ANKHD1: variants seen among roughly 807,000 people sequenced by gnomAD.
ANKHD1 encodes ankyrin repeat and KH domain-containing protein 1.
In ANKHD1, 31 loss-of-function variants were observed where a neutral mutation model predicts 230.5. The ratio of observed to expected loss-of-function variants is 0.13; its 90% CI spans 0.10 to 0.18. ANKHD1 has a LOEUF of 0.18. Among genes scored for constraint, ANKHD1 ranks in the 10% least tolerant of loss-of-function variants. The pLI is 1.00. For missense variants in ANKHD1, 2,256 were observed against 3,071.3 expected (o/e 0.73, Z 6.27); for synonymous variants, 1,074 against 1,117.6 (o/e 0.96, Z 0.78).
intron 1 of ANKHD1, among the ~76,000 whole-genome samples, chr5:140,429,468 A>G (rs1320571999): frequency 2.6e-5 from 4 of 152,176 alleles, no homozygotes; most frequent in Non-Finnish European, 4.4e-5. Context: ...CTCAAAATAT[A>G]AATTTATTTA....
intron 14 of ANKHD1, among the ~76,000 whole-genome samples, chr5:140,495,306 C>A (rs183079177): frequency 1.4e-5 from 2 of 147,036 alleles, no homozygotes; most frequent in African/African-American, 2.5e-5. Context: ...AGTGCAGTGG[C>A]GCAATCTCGG....
intron 14 of ANKHD1, among the ~76,000 whole-genome samples, chr5:140,490,193 G>C (rs1751706510): frequency 6.6e-6 from 1 of 151,928 alleles, no homozygotes; most frequent in Non-Finnish European, 1.5e-5. Context: ...ATGGACAAAG[G>C]GTTCTTATTC....
chr5:140,434,396 C>T (rs953123952), intron 1 of ANKHD1, among the ~76,000 whole-genome samples: 1 of 150,026 alleles, frequency 6.7e-6, no homozygotes, highest in Non-Finnish European at 1.5e-5. Context: ...TACATATTTG[C>T]ATATTACAGT....
At chr5:140,416,562 T>C (rs1239990651) in intron 1 of ANKHD1, among the ~76,000 whole-genome samples, 1 of 152,226 alleles carries the variant, frequency 6.6e-6, no homozygotes, top group Non-Finnish European at 1.5e-5. Flanking sequence ...TATATGTCTG[T>C]CTCTTTGCCA....
In ANKHD1 at chr5:140,538,974, C is replaced by T; in HGVS notation, c.7460C>T (p.Ala2487Val). 6.2e-7 allele frequency: 1 copy of T among 1,610,908 alleles called. No homozygotes were observed. The highest frequency in any genetic ancestry group is 2.2e-5 in the East Asian group (1 of 44,626). The change falls in exon 33 of 34, where the codon GCT becomes GTT. Residue 2487 changes from alanine to valine, a missense_variant. Physicochemically the swap from Ala to Val is moderately conservative, Grantham distance 64. This residue lies in a region of ANKHD1 where 778 missense variants were observed against 966.5 expected (regional missense o/e 0.80). Coordinates refer to ENST00000360839, the MANE Select transcript of ANKHD1 (RefSeq NM_017747.3). ...ATAATACCCTCTCATCCTCAGCTTG[C>T]TGATGTTCCAGGAGGCCCTCTGTTT... is the stretch of plus-strand genomic sequence containing the variant. ...GTIIPSHPQLADVPGGPLFNG... is the reference protein window; with the variant it reads ...GTIIPSHPQLVDVPGGPLFNG...
chr5:140,512,065 G>T (rs189000756), intron 22 of ANKHD1, among the ~76,000 whole-genome samples: 1 of 151,888 alleles, frequency 6.6e-6, no homozygotes, highest in Admixed American at 6.6e-5. Flanking sequence ...GTAAATCCCC[G>T]TCTCTACTAA....
At position 140,518,058 on chromosome 5, in the gene ANKHD1, G is replaced by T. The variant is rs570056449; in HGVS notation, c.4317+4579G>T. ...ATAGACCACTAGCAAGACTAATAAA[G>T]AAAAAAAGAAGAATCAAATAGATGC... On this transcript the variant is annotated intron_variant, in intron 24 of 33. Transcript: ENST00000360839. Among the ~76,000 whole-genome samples, 19 of 151,864 alleles carry T rather than the reference G, an allele frequency of 1.3e-4. 1 individual carries two copies. In the South Asian group the frequency reaches 3.9e-3, roughly 32 times the overall value.
chr5:140,443,650 C>T (rs538292260), intron 5 of ANKHD1, among the ~76,000 whole-genome samples: 17 of 150,338 alleles, frequency 1.1e-4, no homozygotes, highest in African/African-American at 2.0e-4. Context: ...GAGATCGTGT[C>T]GCCTGGGCGA....
chr5:140,469,173 A>G (rs1420895619), intron 10 of ANKHD1, among the ~76,000 whole-genome samples: 2 of 150,858 alleles, frequency 1.3e-5, no homozygotes, highest in Non-Finnish European at 2.9e-5. Context: ...TTAATTTTCT[A>G]ATTTCTGATC....
intron 10 of ANKHD1, among the ~76,000 whole-genome samples, chr5:140,467,738 T>C (rs1055343399): frequency 3.9e-5 from 6 of 152,178 alleles, no homozygotes; most frequent in African/African-American, 1.4e-4. Context: ...TTTCAGGCTT[T>C]ATTGTAGGCC....
chr5:140,509,154 A>G (rs1324757266), intron 20 of ANKHD1, among the ~76,000 whole-genome samples: 1 of 152,186 alleles, frequency 6.6e-6, no homozygotes, highest in African/African-American at 2.4e-5. Flanking sequence ...GTCTTTTTCT[A>G]TTACAAGTAT....
intron 5 of ANKHD1, among the ~76,000 whole-genome samples, chr5:140,441,449 T>C (rs1391291156): frequency 6.6e-6 from 1 of 152,078 alleles, no homozygotes; most frequent in African/African-American, 2.4e-5. Flanking sequence ...GACATTATGC[T>C]AAGTGGAATA....
intron 5 of ANKHD1, among the ~76,000 whole-genome samples, chr5:140,441,571 G>A (rs992793052): frequency 1.3e-5 from 2 of 151,920 alleles, no homozygotes; most frequent in East Asian, 1.9e-4. Flanking sequence ...TACAAAAAGC[G>A]TTAAATATAT....
At position 140,509,726 on chromosome 5, in the gene ANKHD1, T is replaced by C; in HGVS notation, c.3855T>C (p.Ala1285=). 6.2e-7 allele frequency: 1 copy of C among 1,613,200 alleles called. No homozygotes were observed. Among genetic ancestry groups the C allele is most frequent in the Non-Finnish European group, 8.5e-7 (1 of 1,179,802 alleles). ...TTGATAAAGGAGCAGATGTTAATGC[T>C]CCCCCTGTGCCTTCCTCAAGAGATA... ...VLLDKGADVN[A]PPVPSSRDTA... The change falls in exon 21 of 34, where the codon GCT becomes GCC. Residue 1285 remains alanine (A), a synonymous_variant. Transcript: ENST00000360839.
intron 1 of ANKHD1, among the ~76,000 whole-genome samples, chr5:140,404,699 A>G (rs1270318816): frequency 6.6e-6 from 1 of 150,476 alleles, no homozygotes; most frequent in East Asian, 1.9e-4. Context: ...TGCTGGGATT[A>G]CAGGCATGAG....
At chr5:140,493,355 G>T (rs546550085) in intron 14 of ANKHD1, among the ~76,000 whole-genome samples, 1 of 152,202 alleles carries the variant, frequency 6.6e-6, no homozygotes, top group Admixed American at 6.5e-5. Flanking sequence ...GTGAGCCACC[G>T]CACCCGGCCA....
At chr5:140,533,378 C>T (rs1253550488) in intron 29 of ANKHD1, among the ~76,000 whole-genome samples, 1 of 152,144 alleles carries the variant, frequency 6.6e-6, no homozygotes, top group Non-Finnish European at 1.5e-5. Context: ...GCGGGCAGAT[C>T]ACGAGGTCAG....
At chr5:140,402,334 C>G (rs1000799475) in intron 1 of ANKHD1, 61 bp downstream of exon 1, 8 of 1,395,020 alleles carry the variant, frequency 5.7e-6, no homozygotes, top group Middle Eastern at 2.4e-4. Flanking sequence ...TTTGGGTAGG[C>G]TCTGGGCCGG....
chr5:140,538,108 A>G lies in ANKHD1; in HGVS notation c.7251A>G (p.Gln2417=), dbSNP rs568284497. 1.1e-5 allele frequency: 18 copies of G among 1,612,596 alleles called. No homozygotes were observed. In the African/African-American group the frequency reaches 2.1e-4, roughly 19 times the overall value. ...CAGAAGGCTTATCAGGTTGGTCGCA[A>G]TCTGTGATGGGGAACCATCCAATGC... ...AVSEGLSGWS[Q]SVMGNHPMHQ... is the part of the protein sequence containing the mutation. Residue 2417 remains glutamine (Q), a synonymous_variant, in exon 32 of 34, where the codon CAA becomes CAG. Coordinates refer to ENST00000360839, the MANE Select transcript of ANKHD1 (RefSeq NM_017747.3).
Sources: allele counts gnomAD v4.1 joint callset (sites outside exome capture counted in the v4.1 genomes callset), GRCh38; gene constraint gnomAD v4.1.1; regional missense constraint gnomAD v4.1.1; transcripts MANE v1.5; gene names NCBI Gene and HGNC (gene_info 2026-07-23, HGNC 2026-07-21).